Variants in DNAAF5 observed in about 807,000 individuals in gnomAD.
DNAAF5 encodes the protein HEAT repeat containing 2.
Under a neutral mutation model 75.8 loss-of-function variants are expected in DNAAF5, and 64 were observed. That is an observed-to-expected ratio of 0.84 (90% CI 0.69 to 1.04). The LOEUF is 1.04. Among genes scored for constraint, DNAAF5 ranks in the 50% least tolerant of loss-of-function variants. The pLI, the probability that DNAAF5 is intolerant of heterozygous loss-of-function variation, is 0.00. For synonymous variants in DNAAF5, 657 were observed against 557.2 expected (o/e 1.18, Z -2.52); for missense variants, 1,269 against 1,178.5 (o/e 1.08, Z -1.12).
chr7:763,624 C>T (rs952817750), intron 7 of DNAAF5, among the ~76,000 whole-genome samples, 182 bp from the exon 8 acceptor site: 1 of 152,200 alleles, frequency 6.6e-6, no homozygotes, highest in South Asian at 2.1e-4. Flanking sequence ...TCGCCCTGCA[C>T]CCGCGGCTCT....
intron 4 of DNAAF5, among the ~76,000 whole-genome samples, chr7:749,211 G>A (rs759037675): frequency 1.3e-5 from 2 of 152,164 alleles, no homozygotes; most frequent in Non-Finnish European, 2.9e-5. Flanking sequence ...ACACGTTCAC[G>A]CCTGGTGTGT....
chr7:762,078 G>C (rs916956477), intron 7 of DNAAF5, among the ~76,000 whole-genome samples, 182 bp downstream of exon 7: 2 of 152,210 alleles, frequency 1.3e-5, no homozygotes, highest in African/African-American at 2.4e-5. Flanking sequence ...CCAGCTGCCA[G>C]TGTATTCTGG....
chr7:782,546 C>T (rs1193187650), intron 12 of DNAAF5, among the ~76,000 whole-genome samples: 2 of 147,404 alleles, frequency 1.4e-5, no homozygotes, highest in African/African-American at 5.2e-5. Flanking sequence ...CTGGTGTGGC[C>T]GCCTCCCGTC....
intron 6 of DNAAF5, among the ~76,000 whole-genome samples, chr7:758,145 C>G (rs764638100): frequency 6.6e-6 from 1 of 152,224 alleles, no homozygotes; most frequent in East Asian, 1.9e-4. Flanking sequence ...AACACATCAT[C>G]GAATGTGTGT....
At chr7:739,846 TC>T in intron 2 of DNAAF5, among the ~76,000 whole-genome samples, 1 of 152,198 alleles carries the variant, frequency 6.6e-6, no homozygotes, top group South Asian at 2.1e-4. Context: ...CAGCCCCTCC[TC>T]CGAGTCCCAG....
intron 7 of DNAAF5, among the ~76,000 whole-genome samples, chr7:762,376 A>G (rs1487945800): frequency 6.6e-6 from 1 of 151,764 alleles, no homozygotes; most frequent in Non-Finnish European, 1.5e-5. Flanking sequence ...AGTCCCAGCT[A>G]CTCAGGAGGC....
intron 4 of DNAAF5, among the ~76,000 whole-genome samples, chr7:745,709 G>T (rs1434559583): frequency 3.3e-5 from 5 of 152,204 alleles, no homozygotes; most frequent in Admixed American, 6.5e-5. Context: ...GTGTGTACAT[G>T]CATATCACAC....
rs188418873 is a variant in DNAAF5 at position 758,786 on chromosome 7, G to A, written c.1470+1792G>A. Among the ~76,000 whole-genome samples, 1,022 of 152,130 alleles carry A rather than the reference G, an allele frequency of 6.7e-3. 32 individuals carry two copies. The East Asian group carries it at 0.12, about 17-fold the overall frequency. ...CAGCCTCCGCCTCCCAGGTTCAAGC[G>A]ATTCTCCTGCCTCAGCCTCCCAAGT... On this transcript the variant is annotated intron_variant, in intron 6 of 12. Transcript: ENST00000297440.
At chr7:781,820 A>G (rs997712850) in intron 12 of DNAAF5, among the ~76,000 whole-genome samples, 16 of 152,260 alleles carry the variant, frequency 1.1e-4, no homozygotes, top group African/African-American at 3.9e-4. Flanking sequence ...CAGGTCTTTT[A>G]CCCATTTTTA....
chr7:769,609 G>A (rs1778484697), intron 8 of DNAAF5, among the ~76,000 whole-genome samples: 1 of 152,220 alleles, frequency 6.6e-6, no homozygotes, highest in South Asian at 2.1e-4. Context: ...TTCAACTATT[G>A]CTTGACTTTA....
In DNAAF5 at chr7:729,675, T is replaced by C; in HGVS notation, c.608T>C (p.Met203Thr). ...LAQATPDHFH[M>T]QSESLIGPLM... ...CCCTGTCCCTCAGACCACTTCCACA[T>C]GCAGTCGGAGTCTCTGATCGGGCCC... Residue 203 changes from methionine (M) to threonine (T), a missense_variant, in exon 2 of 13, where the codon ATG (methionine) becomes ACG (threonine). Transcript: ENST00000297440. The C allele has an allele frequency of 6.2e-7, 1 of 1,613,834 alleles. No homozygotes were observed. The highest frequency in any genetic ancestry group is 1.1e-5 in the South Asian group (1 of 91,074).
chr7:751,995 G>A (rs1300551528), intron 4 of DNAAF5, among the ~76,000 whole-genome samples: 2 of 152,204 alleles, frequency 1.3e-5, no homozygotes, highest in African/African-American at 4.8e-5. Context: ...AAACACTGGG[G>A]AGGAGTGAAG....
intron 12 of DNAAF5, among the ~76,000 whole-genome samples, chr7:781,939 G>A (rs537502421): frequency 1.3e-5 from 2 of 152,336 alleles, no homozygotes; most frequent in Admixed American, 6.5e-5. Context: ...CCGTACCCGC[G>A]GGCTGTCCCT....
rs1164221686 is a variant in DNAAF5, at chr7:726,775, G to T, written c.55G>T (p.Ala19Ser). 2.4e-6 allele frequency: 3 copies of T among 1,270,042 alleles called. No individual in the cohort carries two copies. Among genetic ancestry groups the T allele is most frequent in the Non-Finnish European group, 2.0e-6 (2 of 1,009,882 alleles). 78.7% of individuals were successfully genotyped at this position (1,270,042 alleles called of 1,614,324 possible). Reference protein sequence around the residue: ...AVAAPHPAEGAETAEAVELSR... With the variant: ...AVAAPHPAEGSETAEAVELSR... ...GGCGGCCCCACACCCGGCTGAGGGG[G>T]CCGAGACGGCTGAGGCGGTGGAGCT... is the stretch of plus-strand genomic sequence containing the variant. The change falls in exon 1 of 13, where the codon GCC (alanine) becomes TCC (serine). Residue 19 changes from alanine (A) to serine (S), a missense_variant. By Grantham distance (99) the Ala-to-Ser change is moderately conservative. Transcript: ENST00000297440.
At chr7:730,033 T>C (rs913481439) in intron 2 of DNAAF5, among the ~76,000 whole-genome samples, 186 bp downstream of exon 2, 4 of 152,180 alleles carry the variant, frequency 2.6e-5, no homozygotes, top group Non-Finnish European at 4.4e-5. Context: ...CTGAACTGTT[T>C]TAATGTTTGA....
chr7:767,656 A>C (rs1050620735), intron 8 of DNAAF5, among the ~76,000 whole-genome samples: 1 of 152,212 alleles, frequency 6.6e-6, no homozygotes, highest in Non-Finnish European at 1.5e-5. Flanking sequence ...CCAGTGCAGA[A>C]GTGTCCGTGC....
In DNAAF5 at chr7:726,932, GC is replaced by G. The variant is rs1437509913; in HGVS notation, c.216del (p.Trp73GlyfsTer13). 3 of 1,342,248 alleles carry G rather than the reference GC, an allele frequency of 2.2e-6. No homozygotes were observed. The highest frequency in any genetic ancestry group is 1.7e-5 in the South Asian group (1 of 59,550). 83.1% of individuals were successfully genotyped at this position (1,342,248 alleles called of 1,614,324 possible). On this transcript the variant is annotated frameshift_variant, in exon 1 of 13. Coordinates refer to ENST00000297440, the MANE Select transcript of DNAAF5 (RefSeq NM_017802.4). LOFTEE classifies it high-confidence loss of function. ...GPAADPTAFQ[G>X]PWARLLLPRL... The stretch of plus-strand genomic sequence containing the variant: ...GCCGCCGACCCCACCGCTTTCCAGG[GC>G]CCCTGGGCGCGCCTACTGCTGCCGC...
At chr7:766,395 T>C (rs2128081847) in intron 8 of DNAAF5, among the ~76,000 whole-genome samples, 1 of 152,350 alleles carries the variant, frequency 6.6e-6, no homozygotes, top group South Asian at 2.1e-4. Flanking sequence ...TTTAAATTTC[T>C]CATTTACAAA....
chr7:754,561 T>C lies in DNAAF5; in HGVS notation c.1025-28T>C. ...TGTTGAGGTTTTGCTTGTGAATTTC[T>C]CATTCTTCTTTCCCTTTTTCGTTCC... On this transcript the variant is annotated intron_variant, in intron 4 of 12. Coordinates refer to ENST00000297440, the MANE Select transcript of DNAAF5 (RefSeq NM_017802.4). This position sits in a 1 kb window ranked among gnomAD's most constrained non-coding sequence, Gnocchi z 4.8. 1 of 1,587,946 alleles carries C rather than the reference T, an allele frequency of 6.3e-7. No individual in the cohort carries two copies. The highest frequency in any genetic ancestry group is 2.2e-5 in the East Asian group (1 of 44,506).
Sources: gnomAD v4.1 joint callset for allele counts (sites outside exome capture counted in the v4.1 genomes callset) on GRCh38, gnomAD v4.1.1 for gene constraint, Gnocchi (gnomAD v3.1) non-coding constraint, MANE v1.5 for transcripts, NCBI Gene and HGNC (gene_info 2026-07-23, HGNC 2026-07-21) for gene names.